MED13L: variants seen among roughly 807,000 people sequenced by gnomAD.
MED13L encodes the protein mediator of RNA polymerase II transcription subunit 13-like.
In MED13L, 7 loss-of-function variants were observed where a neutral mutation model predicts 220.9. The observed-to-expected ratio is 0.03, with a 90% CI of 0.02 to 0.06. The LOEUF is 0.06. Among genes scored for constraint, MED13L ranks in the 10% least tolerant of loss-of-function variants. MED13L has a pLI of 1.00. For missense variants in MED13L, 1,965 were observed against 2,760.5 expected, an observed-to-expected ratio of 0.71 and a Z score of 6.46; for synonymous variants, 1,011 against 1,015.2, an observed-to-expected ratio of 1.00 and a Z score of 0.08.
chr12:116,120,457 TCTCTCTCTCTCTCTCTCTCTCACA>T (rs1565886916), intron 2 of MED13L, among the ~76,000 whole-genome samples: 1 of 136,130 alleles, frequency 7.3e-6, no homozygotes, highest in Non-Finnish European at 1.6e-5. Flanking sequence ...TCTCTCTCTC[TCTCTCTCTCTCTCTCTCTCTCACA>T]CACACACACA....
rs200110415 is a variant in MED13L, at chr12:116,060,396, G to A, written c.479+36273C>T. On this transcript the variant is annotated intron_variant, in intron 4 of 30. Coordinates refer to ENST00000281928, the MANE Select transcript of MED13L (RefSeq NM_015335.5). The stretch of plus-strand genomic sequence containing the variant: ...AGTTTGAGACCAGCCTGGGCAACAC[G>A]GTAAAACCCCGTCTCTATTAACATA... Among the ~76,000 whole-genome samples, 28 of 151,872 alleles carry A rather than the reference G, an allele frequency of 1.8e-4. No homozygotes were observed. In the East Asian group the frequency reaches 2.7e-3, roughly 15 times the overall value.
At chr12:116,140,153 T>A (rs1876934735) in intron 2 of MED13L, among the ~76,000 whole-genome samples, 1 of 152,120 alleles carries the variant, frequency 6.6e-6, no homozygotes, top group South Asian at 2.1e-4. Flanking sequence ...ACTCCCCCCC[T>A]TTCCCAGCAT....
intron 4 of MED13L, among the ~76,000 whole-genome samples, chr12:116,068,764 ATTG>A (rs1182608744): frequency 1.4e-5 from 2 of 143,460 alleles, no homozygotes; most frequent in South Asian, 2.2e-4. Context: ...TCTCCCTGAA[ATTG>A]TTAAGATTCT....
intron 1 of MED13L, among the ~76,000 whole-genome samples, chr12:116,250,776 CA>C (rs772459455): frequency 0.099 from 7,627 of 76,766 alleles, 118 homozygotes; most frequent in Non-Finnish European, 0.12. Flanking sequence ...GACTCCTCCT[CA>C]AAAAAAAAAA....
intron 3 of MED13L, among the ~76,000 whole-genome samples, chr12:116,106,855 A>G (rs1343106566): frequency 2.7e-5 from 4 of 149,492 alleles, no homozygotes; most frequent in South Asian, 4.3e-4. Flanking sequence ...CAAAAAAAAA[A>G]GGGAAAAAAA....
chr12:116,005,354 T>C lies in MED13L; in HGVS notation c.2469+515A>G, dbSNP rs1209808318. Among the ~76,000 whole-genome samples, 4 of 152,230 alleles carry C rather than the reference T, an allele frequency of 2.6e-5. No individual in the cohort carries two copies. In the East Asian group the frequency reaches 7.7e-4, roughly 29 times the overall value. ...AATTATTCTTCTCTGTCATTTTAAT[T>C]GTATGCTGCCTTGTAGTATTTAACT... On this transcript the variant is annotated intron_variant, in intron 13 of 30. Coordinates refer to ENST00000281928, the MANE Select transcript of MED13L (RefSeq NM_015335.5).
rs1230509157 is a variant in MED13L at position 115,996,790 on chromosome 12, ATT to A, written c.2791-111_2791-110del. 5.4e-6 allele frequency: 6 copies of A among 1,111,894 alleles called. No individual in the cohort carries two copies. The African/African-American group carries it at 9.3e-5, about 17-fold the overall frequency. The allele number at this position is 1,111,894 out of a possible 1,614,324, so 68.9% of individuals were successfully genotyped here. On this transcript the variant is annotated intron_variant, in intron 15 of 30. Transcript: ENST00000281928. ...GCAACCAAAATGATCGTATTTCAGT[ATT>A]TCTCTCCTATGATCATTAGAAAATG...
At chr12:116,074,045 A>G (rs1022576485) in intron 4 of MED13L, among the ~76,000 whole-genome samples, 1 of 152,144 alleles carries the variant, frequency 6.6e-6, no homozygotes, top group African/African-American at 2.4e-5. Flanking sequence ...GTATTTCTCT[A>G]TTGCAGTTTT....
chr12:116,255,318 C>T (rs1469184346), intron 1 of MED13L, among the ~76,000 whole-genome samples: 1 of 152,116 alleles, frequency 6.6e-6, no homozygotes, highest in Non-Finnish European at 1.5e-5. Flanking sequence ...GTTTGCTAAA[C>T]GTATGCAAAA....
intron 4 of MED13L, among the ~76,000 whole-genome samples, chr12:116,043,756 G>A (rs1390926939): frequency 1.4e-4 from 21 of 152,114 alleles, no homozygotes; most frequent in Admixed American, 1.2e-3. Flanking sequence ...CTACGCACTG[G>A]CAGATTCTTC....
chr12:116,121,270 T>C (rs2137955775), intron 2 of MED13L, among the ~76,000 whole-genome samples: 1 of 152,280 alleles, frequency 6.6e-6, no homozygotes, highest in East Asian at 1.9e-4. Context: ...GCCCAAATAA[T>C]TTTTCAAATC....
chr12:116,084,301 C>T (rs1014247390), intron 4 of MED13L, among the ~76,000 whole-genome samples: 5 of 152,088 alleles, frequency 3.3e-5, no homozygotes, highest in Admixed American at 1.3e-4. Context: ...GAATAATGCA[C>T]GACAGTACAT....
intron 1 of MED13L, among the ~76,000 whole-genome samples, chr12:116,239,229 G>A (rs903002536): frequency 1.3e-5 from 2 of 152,094 alleles, no homozygotes. Flanking sequence ...TATATTTTAC[G>A]CTGAGATACG....
intron 2 of MED13L, among the ~76,000 whole-genome samples, chr12:116,205,790 G>T (rs769635189): frequency 3.9e-5 from 6 of 151,976 alleles, no homozygotes; most frequent in Non-Finnish European, 7.4e-5. Flanking sequence ...TGAGAAAGCA[G>T]TTAACACTTC....
intron 3 of MED13L, among the ~76,000 whole-genome samples, chr12:116,110,865 C>T (rs1033426229): frequency 2.0e-5 from 3 of 151,836 alleles, no homozygotes; most frequent in African/African-American, 7.3e-5. Flanking sequence ...AAGGTTTGAA[C>T]TCATCAAAAA....
intron 4 of MED13L, among the ~76,000 whole-genome samples, chr12:116,054,586 A>G (rs1235551004): frequency 2.0e-5 from 3 of 152,222 alleles, no homozygotes; most frequent in Non-Finnish European, 4.4e-5. Context: ...GCTTTCATGT[A>G]AACATTAATA....
At chr12:116,168,573 G>A (rs1879454245) in intron 2 of MED13L, among the ~76,000 whole-genome samples, 1 of 152,094 alleles carries the variant, frequency 6.6e-6, no homozygotes, top group Non-Finnish European at 1.5e-5. Context: ...TGAAAAAGAG[G>A]TATTAGAAAG....
At chr12:115,978,177 C>G (rs1877076152) in intron 23 of MED13L, among the ~76,000 whole-genome samples, 1 of 151,912 alleles carries the variant, frequency 6.6e-6, no homozygotes, top group African/African-American at 2.4e-5. Context: ...CCAGTGGTTG[C>G]CAAGGACTGG....
rs202075689 is a variant in MED13L, at chr12:115,975,621, C to A, written c.5482G>T (p.Val1828Leu). The A allele has an allele frequency of 3.1e-5, 50 of 1,614,066 alleles. No individual in the cohort carries two copies. The East Asian group carries it at 9.6e-4, about 31-fold the overall frequency. Reference protein sequence around the residue: ...EASQKYNVLFVGYCLSHDQRW... With the variant: ...EASQKYNVLFLGYCLSHDQRW... ...TGGTCGTGAGACAGACAATAGCCCA[C>A]GAAGAGCACATTGTATTTCTGGCTC... Residue 1828 changes from valine to leucine, a missense_variant, in exon 24 of 31, where the codon GTG (valine) becomes TTG (leucine). Transcript: ENST00000281928.
Sources: allele counts gnomAD v4.1 joint callset (sites outside exome capture counted in the v4.1 genomes callset), GRCh38; gene constraint gnomAD v4.1.1; transcripts MANE v1.5; gene names NCBI Gene and HGNC (gene_info 2026-07-23, HGNC 2026-07-21).